The following CD247 variants were observed in gnomAD, a reference collection of about 807,000 sequenced individuals.
The protein encoded by CD247 is CD247 molecule, also known as T-cell surface glycoprotein CD3 zeta chain.
CD247 carries 13 observed loss-of-function variants against 30.0 expected under a neutral mutation model. That is an observed-to-expected ratio of 0.43 (90% CI 0.28 to 0.69). CD247 has a LOEUF of 0.69. Ranked by LOEUF, CD247 falls within the 30% of genes least tolerant of loss-of-function variation. The pLI is 0.16. For missense variants in CD247, 193 were observed against 212.6 expected (o/e 0.91, Z 0.57); for synonymous variants, 72 against 80.0 (o/e 0.90, Z 0.53).
chr1:167,454,740 C>T (rs905241349), intron 1 of CD247, among the ~76,000 whole-genome samples: 1 of 152,222 alleles, frequency 6.6e-6, no homozygotes, highest in Non-Finnish European at 1.5e-5. Context: ...CTTTTCCGAT[C>T]CACCGAATCA....
chr1:167,501,990 G>A (rs189957415), intron 1 of CD247, among the ~76,000 whole-genome samples: 413 of 152,296 alleles, frequency 2.7e-3, no homozygotes, highest in Non-Finnish European at 4.7e-3. Context: ...GGGCAACCCC[G>A]GTGCTCCCGA....
At chr1:167,497,422 G>A (rs1654735248) in intron 1 of CD247, among the ~76,000 whole-genome samples, 2 of 152,100 alleles carry the variant, frequency 1.3e-5, no homozygotes, top group Admixed American at 6.5e-5. Flanking sequence ...AGAAAATAAA[G>A]TCCATTTCAT....
Position 167,518,399 on chromosome 1 carries a change from C to A in CD247, c.58+9G>T. 6.2e-7 allele frequency: 1 copy of A among 1,613,916 alleles called. No individual in the cohort carries two copies. The highest frequency in any genetic ancestry group is 8.5e-7 in the Non-Finnish European group (1 of 1,179,782). ...TAGAAGTTCCCTGCCGTCGACACGT[C>A]GGCCCTACCTGTAATCGGCAACTGT... On this transcript the variant is annotated intron_variant, in intron 1 of 7. Coordinates refer to ENST00000362089, the MANE Select transcript of CD247 (RefSeq NM_198053.3).
chr1:167,441,518 G>A (rs34725579), intron 1 of CD247, among the ~76,000 whole-genome samples: 2,242 of 152,198 alleles, frequency 0.015, 29 homozygotes, highest in South Asian at 0.028. Flanking sequence ...CCCAGGACAC[G>A]CCTTGCTCTT....
At chr1:167,516,055 C>T (rs1410595770) in intron 1 of CD247, among the ~76,000 whole-genome samples, 1 of 152,248 alleles carries the variant, frequency 6.6e-6, no homozygotes, top group Non-Finnish European at 1.5e-5. Flanking sequence ...TGGGACACCA[C>T]CTGAAATTAG....
intron 1 of CD247, among the ~76,000 whole-genome samples, chr1:167,489,904 C>T (rs777618233): frequency 6.6e-6 from 1 of 152,190 alleles, no homozygotes; most frequent in Non-Finnish European, 1.5e-5. Flanking sequence ...CCACCCAGTT[C>T]GGCCTCTGAC....
intron 1 of CD247, chr1:167,458,689 C>CTTTCTTTTTTTTTTTTTTT (rs1553231431): frequency 1.0e-5 from 1 of 95,426 alleles, no homozygotes; most frequent in Non-Finnish European, 2.0e-5. Context: ...TTCTTTCTTT[C>CTTTCTTTTTTTTTTTTTTT]TTTTTTTTTT....
At chr1:167,461,081 G>A (rs1021122086) in intron 1 of CD247, among the ~76,000 whole-genome samples, 7 of 152,232 alleles carry the variant, frequency 4.6e-5, no homozygotes, top group Non-Finnish European at 1.0e-4. Flanking sequence ...CAGCTGCCAC[G>A]CTGGGGACAT....
At chr1:167,437,833 T>A (rs940452998) in intron 4 of CD247, among the ~76,000 whole-genome samples, 5 of 152,226 alleles carry the variant, frequency 3.3e-5, no homozygotes, top group African/African-American at 1.2e-4. Flanking sequence ...GTGAGTACTA[T>A]ACATTTTAAT....
intron 1 of CD247, among the ~76,000 whole-genome samples, chr1:167,489,550 G>A (rs567039210): frequency 6.6e-6 from 1 of 152,282 alleles, no homozygotes; most frequent in East Asian, 1.9e-4. Context: ...TCACCTAGAG[G>A]CTGTTTGCTC....
chr1:167,434,390 A>C, intron 5 of CD247: 1 of 438,578 alleles, frequency 2.3e-6, no homozygotes. Context: ...TGGGCAAAAC[A>C]AGGGCTCACC....
At chr1:167,512,998 A>G (rs968064916) in intron 1 of CD247, among the ~76,000 whole-genome samples, 2 of 152,240 alleles carry the variant, frequency 1.3e-5, no homozygotes, top group South Asian at 2.1e-4. Context: ...ACTTTAACCT[A>G]TTCTTTCAAA....
At chr1:167,502,929 T>C (rs1228703208) in intron 1 of CD247, among the ~76,000 whole-genome samples, 1 of 152,232 alleles carries the variant, frequency 6.6e-6, no homozygotes, top group African/African-American at 2.4e-5. Flanking sequence ...TTTGGACTTT[T>C]AGCCTTCCGA....
intron 1 of CD247, among the ~76,000 whole-genome samples, chr1:167,477,858 A>C (rs551420078): frequency 6.6e-6 from 1 of 152,240 alleles, no homozygotes; most frequent in East Asian, 1.9e-4. Context: ...ATTTCTTGGG[A>C]TATCTTAGTG....
At chr1:167,434,659 C>G (rs999681123) in intron 5 of CD247, 22 of 402,236 alleles carry the variant, frequency 5.5e-5, no homozygotes, top group African/African-American at 4.1e-4. Flanking sequence ...CTCGAAGGGG[C>G]CAGCCACCTC....
At chr1:167,481,478 G>A (rs560732115) in intron 1 of CD247, among the ~76,000 whole-genome samples, 2 of 152,322 alleles carry the variant, frequency 1.3e-5, no homozygotes, top group African/African-American at 4.8e-5. Context: ...AGCAGAGGGA[G>A]GATGGGTTCA....
chr1:167,492,636 C>G (rs704848), intron 1 of CD247, among the ~76,000 whole-genome samples: 59,749 of 152,032 alleles, frequency 0.39, 12,556 homozygotes, highest in East Asian at 0.64. Flanking sequence ...CCCAAGCCCC[C>G]ATTAGCCCCA....
chr1:167,456,702 C>T (rs1652692416), intron 1 of CD247, among the ~76,000 whole-genome samples: 1 of 152,196 alleles, frequency 6.6e-6, no homozygotes, highest in Non-Finnish European at 1.5e-5. Flanking sequence ...CGAATATATC[C>T]AGCCCTACCT....
intron 1 of CD247, among the ~76,000 whole-genome samples, chr1:167,469,313 G>A (rs960051860): frequency 2.0e-5 from 3 of 152,150 alleles, no homozygotes; most frequent in East Asian, 1.9e-4. Flanking sequence ...CATTTAAATC[G>A]TCCAAATGTC....
Sources: allele counts gnomAD v4.1 joint callset (sites outside exome capture counted in the v4.1 genomes callset), GRCh38; gene constraint gnomAD v4.1.1; transcripts MANE v1.5; gene names NCBI Gene and HGNC (gene_info 2026-07-23, HGNC 2026-07-21).